EPC1: variants seen among roughly 807,000 people sequenced by gnomAD.
EPC1 encodes enhancer of polycomb 1.
In EPC1, 12 loss-of-function variants were observed where a neutral mutation model predicts 98.4. The ratio of observed to expected loss-of-function variants is 0.12; its 90% CI spans 0.08 to 0.20. The LOEUF is 0.20. Ranked by LOEUF, EPC1 falls within the 10% of genes least tolerant of loss-of-function variation. The pLI is 1.00. For synonymous variants in EPC1, 357 were observed against 363.9 expected (o/e 0.98, Z 0.21); for missense variants, 729 against 990.5 (o/e 0.74, Z 3.54).
chr10:32,299,092 C>T (rs1387063221), intron 2 of EPC1, among the ~76,000 whole-genome samples: 10 of 152,152 alleles, frequency 6.6e-5, no homozygotes, highest in Non-Finnish European at 1.2e-4. Flanking sequence ...CACATGTGCT[C>T]GTGCTTGTGT....
intron 1 of EPC1, chr10:32,377,369 C>T (rs1839891541): frequency 1.3e-5 from 2 of 152,124 alleles, no homozygotes; most frequent in African/African-American, 4.8e-5. Flanking sequence ...AAAACTCAGA[C>T]ATTTGGTTAA....
Position 32,291,216 on chromosome 10 carries a change from T to C in EPC1, c.922A>G (p.Ser308Gly), listed in dbSNP as rs1233629691. Reference protein sequence around the residue: ...AIPIIPITNSSQFKHQEAMDV... With the variant: ...AIPIIPITNSGQFKHQEAMDV... ...ATTGCTTCCTGGTGTTTAAATTGAC[T>C]GCTATTAGTAATAGGGATGATGGGG... Residue 308 changes from serine to glycine, a missense_variant, in exon 6 of 14, where the codon AGT (serine) becomes GGT (glycine). By Grantham distance (56) the Ser-to-Gly change is moderately conservative. Around this residue, in one of 6 missense-constraint regions of EPC1, gnomAD observed 390 missense variants for 438.6 expected, o/e 0.89. Coordinates refer to ENST00000319778, the MANE Select transcript of EPC1 (RefSeq NM_001272004.3). The C allele has an allele frequency of 1.2e-6, 2 of 1,614,022 alleles. No homozygotes were observed. Among genetic ancestry groups the C allele is most frequent in the Non-Finnish European group, 1.7e-6 (2 of 1,179,890 alleles).
chr10:32,288,955 G>T (rs974768966), intron 6 of EPC1, among the ~76,000 whole-genome samples: 1 of 151,982 alleles, frequency 6.6e-6, no homozygotes, highest in Non-Finnish European at 1.5e-5. Flanking sequence ...CAGGCGTGGT[G>T]GCATGCGCCT....
At chr10:32,360,789 G>A (rs1839422423) in intron 1 of EPC1, among the ~76,000 whole-genome samples, 1 of 152,096 alleles carries the variant, frequency 6.6e-6, no homozygotes, top group African/African-American at 2.4e-5. Flanking sequence ...AGCTACTTGG[G>A]AGGTTGAGGC....
At chr10:32,370,761 A>G (rs1275351290) in intron 1 of EPC1, among the ~76,000 whole-genome samples, 1 of 152,246 alleles carries the variant, frequency 6.6e-6, no homozygotes, top group Non-Finnish European at 1.5e-5. Flanking sequence ...TGACTGGGAA[A>G]ATGAACTTTA....
intron 2 of EPC1, among the ~76,000 whole-genome samples, chr10:32,300,377 A>G (rs1252085855): frequency 6.6e-6 from 1 of 151,238 alleles, no homozygotes; most frequent in African/African-American, 2.4e-5. Context: ...CATATCTCCT[A>G]ATGCTTTCCC....
At chr10:32,314,846 AT>A (rs1370865723) in intron 1 of EPC1, among the ~76,000 whole-genome samples, 1 of 152,232 alleles carries the variant, frequency 6.6e-6, no homozygotes. Context: ...ATGGGTGGGT[AT>A]CTTTGCTGCT....
In EPC1 at chr10:32,271,796, G is replaced by T; in HGVS notation, c.2127C>A (p.His709Gln). 1 of 1,614,192 alleles carries T rather than the reference G, an allele frequency of 6.2e-7. No homozygotes were observed. Among genetic ancestry groups the T allele is most frequent in the Non-Finnish European group, 8.5e-7 (1 of 1,180,038 alleles). ...PSNITQTSSS[H>Q]SALSHQVTAA... The stretch of plus-strand genomic sequence containing the variant: ...CAGTTACTTGATGACTCAGTGCACT[G>T]TGGGAACTTGAAGTCTGTGTAATAT... Residue 709 changes from histidine to glutamine, a missense_variant, in exon 13 of 14, where the codon CAC becomes CAA. His to Gln is a conservative substitution (Grantham distance 24). Around this residue, in one of 6 missense-constraint regions of EPC1, gnomAD observed 156 missense variants for 188.9 expected, o/e 0.83. Coordinates refer to ENST00000319778, the MANE Select transcript of EPC1 (RefSeq NM_001272004.3).
chr10:32,312,472 A>G (rs1480127496), intron 1 of EPC1, among the ~76,000 whole-genome samples: 1 of 152,230 alleles, frequency 6.6e-6, no homozygotes, highest in Non-Finnish European at 1.5e-5. Context: ...GTATAGATAT[A>G]TATCTCAATC....
At chr10:32,343,405 T>A (rs1445551677) in intron 1 of EPC1, among the ~76,000 whole-genome samples, 1 of 152,106 alleles carries the variant, frequency 6.6e-6, no homozygotes, top group Non-Finnish European at 1.5e-5. Context: ...GAGACAGGGT[T>A]TCACCATGTT....
chr10:32,287,352 A>G (rs1836744669), intron 6 of EPC1, 78 bp from the exon 7 acceptor site: 10 of 1,462,844 alleles, frequency 6.8e-6, no homozygotes, highest in Admixed American at 1.8e-5. Context: ...AATTTTAAAA[A>G]GAAGTTTATT....
At chr10:32,312,941 T>C (rs1337249961) in intron 1 of EPC1, among the ~76,000 whole-genome samples, 2 of 152,232 alleles carry the variant, frequency 1.3e-5, no homozygotes, top group Non-Finnish European at 2.9e-5. Context: ...TGACTAAATA[T>C]CTGAGATTAT....
intron 1 of EPC1, among the ~76,000 whole-genome samples, chr10:32,331,179 T>C (rs561880309): frequency 9.1e-4 from 139 of 152,108 alleles, no homozygotes; most frequent in Non-Finnish European, 1.8e-3. Flanking sequence ...GATTCCATTA[T>C]GGTAAATGAA....
intron 1 of EPC1, among the ~76,000 whole-genome samples, chr10:32,308,413 G>A (rs566899497): frequency 6.6e-6 from 1 of 150,720 alleles, no homozygotes; most frequent in African/African-American, 2.4e-5. Flanking sequence ...ACCAATGTCT[G>A]AGACTATTAG....
chr10:32,292,779 G>C (rs1303608265), intron 4 of EPC1, 135 bp from the exon 5 acceptor site: 5 of 911,092 alleles, frequency 5.5e-6, no homozygotes, highest in Non-Finnish European at 7.8e-6. Context: ...CAGATCACCA[G>C]GAAATCAATT....
At chr10:32,377,955 C>A (rs906154274) in intron 1 of EPC1, among the ~76,000 whole-genome samples, 4 of 152,118 alleles carry the variant, frequency 2.6e-5, no homozygotes, top group African/African-American at 9.7e-5. Flanking sequence ...ATCTGATCAG[C>A]AAATAAAAGA....
chr10:32,278,924 A>G (rs1341626379), intron 10 of EPC1, among the ~76,000 whole-genome samples: 1 of 152,232 alleles, frequency 6.6e-6, no homozygotes, highest in South Asian at 2.1e-4. Context: ...GATTATTTGC[A>G]GTCAAATATT....
chr10:32,302,616 C>T (rs547664189), intron 2 of EPC1, among the ~76,000 whole-genome samples: 5 of 144,496 alleles, frequency 3.5e-5, no homozygotes, highest in Admixed American at 2.8e-4. Context: ...TACCACTGCA[C>T]TCCAGTCTGG....
In EPC1 at chr10:32,285,058, A is replaced by C. The variant is rs767747815; in HGVS notation, c.1392-8T>G. ...GCTCTGTCCAGTAAGACCCTATTAAAAAATCAGACAAGAAACAGTTATTTA... is the reference window on the plus strand; with the variant it reads ...GCTCTGTCCAGTAAGACCCTATTAACAAATCAGACAAGAAACAGTTATTTA... On this transcript the variant is annotated splice_polypyrimidine_tract_variant and splice_region_variant and intron_variant, in intron 9 of 13. Coordinates refer to ENST00000319778, the MANE Select transcript of EPC1 (RefSeq NM_001272004.3). 10 of 1,590,010 alleles carry C rather than the reference A, an allele frequency of 6.3e-6. No homozygotes were observed. Among genetic ancestry groups the C allele is most frequent in the Non-Finnish European group, 8.6e-6 (10 of 1,165,026 alleles).
Sources: gnomAD v4.1 joint callset for allele counts (sites outside exome capture counted in the v4.1 genomes callset) on GRCh38, gnomAD v4.1.1 for gene constraint, gnomAD v4.1.1 regional missense constraint, MANE v1.5 for transcripts, NCBI Gene and HGNC (gene_info 2026-07-23, HGNC 2026-07-21) for gene names.